TJP1: variants seen among roughly 807,000 people sequenced by gnomAD.
TJP1 encodes the protein tight junction protein ZO-1.
Under a neutral mutation model 194.2 loss-of-function variants are expected in TJP1, and 43 were observed. The ratio of observed to expected loss-of-function variants is 0.22; its 90% CI spans 0.17 to 0.29. The LOEUF is 0.29. TJP1 is among the 10% of genes least tolerant of loss of function. TJP1 has a pLI of 1.00. For missense variants in TJP1, 1,971 were observed against 2,185.7 expected (o/e 0.90, Z 1.96); for synonymous variants, 801 against 779.0 (o/e 1.03, Z -0.47).
At chr15:29,868,955 C>T (rs2052398778) in intron 2 of TJP1, among the ~76,000 whole-genome samples, 1 of 151,910 alleles carries the variant, frequency 6.6e-6, no homozygotes, top group Non-Finnish European at 1.5e-5. Flanking sequence ...TGGATCACAA[C>T]AACAAATTAA....
rs562365604 is a variant in TJP1, at chr15:29,856,519, G to A, written c.307-55817C>T. On this transcript the variant is annotated intron_variant, in intron 2 of 28. Transcript: ENST00000356107. The stretch of plus-strand genomic sequence containing the variant: ...GTGATGAAAGTCTTCTGGAATTATA[G>A]TTATATTTTTACCTTGTATCATGTC... 7.9e-5 allele frequency among the ~76,000 whole-genome samples: 12 copies of A among 152,226 alleles called. No individual in the cohort carries two copies. The South Asian group carries it at 2.3e-3, about 29-fold the overall frequency.
chr15:29,861,934 G>C (rs1326859618), intron 2 of TJP1, among the ~76,000 whole-genome samples: 2 of 152,094 alleles, frequency 1.3e-5, no homozygotes, highest in Non-Finnish European at 2.9e-5. Flanking sequence ...AGGTCATGAA[G>C]ACTTACTCCT....
chr15:29,727,870 T>C, intron 16 of TJP1, 67 bp downstream of exon 16: 1 of 1,368,254 alleles, frequency 7.3e-7, no homozygotes, highest in African/African-American at 1.4e-5. Context: ...ACTTTCAAAT[T>C]AACCAAATCC....
At position 29,726,794 on chromosome 15, in the gene TJP1, G is replaced by T; in HGVS notation, c.2298C>A (p.His766Gln). Reference sequence around the variant, plus strand: ...TAACATACTCACTTGTAAAAAGATGGTGATTATTTTTACGAAGTTTATGAG... The same window carrying T: ...TAACATACTCACTTGTAAAAAGATGTTGATTATTTTTACGAAGTTTATGAG... The part of the protein sequence containing the change: ...ERSHKLRKNN[H>Q]HLFTTTINLN... The change falls in exon 17 of 28, where the codon CAC becomes CAA. Residue 766 changes from histidine (H) to glutamine (Q), a missense_variant. By Grantham distance (24) the His-to-Gln change is conservative. This residue lies in a region of TJP1 where 402 missense variants were observed against 484.2 expected (regional missense o/e 0.83). Transcript: ENST00000614355. 6.2e-7 allele frequency: 1 copy of T among 1,613,896 alleles called. No homozygotes were observed. The highest frequency in any genetic ancestry group is 1.7e-5 in the Admixed American group (1 of 60,000).
chr15:29,704,129 A>G, intron 27 of TJP1, 33 bp downstream of exon 27: 1 of 1,542,872 alleles, frequency 6.5e-7, no homozygotes, highest in Non-Finnish European at 8.8e-7. Flanking sequence ...ACAGTCCCCA[A>G]AGCTCCCAAA....
chr15:29,835,263 TGTGG>T (rs1047511102), intron 2 of TJP1, among the ~76,000 whole-genome samples: 9 of 152,216 alleles, frequency 5.9e-5, no homozygotes, highest in Non-Finnish European at 1.0e-4. Context: ...TAATTTTAAA[TGTGG>T]GTAATTTTAA....
intron 2 of TJP1, among the ~76,000 whole-genome samples, chr15:29,798,949 G>C (rs1022296005): frequency 2.6e-5 from 4 of 152,180 alleles, no homozygotes; most frequent in African/African-American, 9.7e-5. Flanking sequence ...TTCTAGAAAA[G>C]GCAAGAATGT....
At chr15:29,889,087 A>G (rs887851099) in intron 2 of TJP1, among the ~76,000 whole-genome samples, 2 of 152,204 alleles carry the variant, frequency 1.3e-5, no homozygotes, top group African/African-American at 4.8e-5. Flanking sequence ...GCAGGCCTCC[A>G]AGTAAATCAA....
chr15:29,877,211 T>C (rs567420662), intron 2 of TJP1, among the ~76,000 whole-genome samples: 1 of 152,360 alleles, frequency 6.6e-6, no homozygotes, highest in East Asian at 1.9e-4. Context: ...AAGATATAAA[T>C]AGAAGTATTT....
intron 15 of TJP1, chr15:29,730,566 C>A (rs1382546354): frequency 2.0e-6 from 1 of 494,810 alleles, no homozygotes; most frequent in Non-Finnish European, 3.9e-6. Context: ...CACTGCACTC[C>A]TGCCTGGGCA....
chr15:29,730,339 T>C (rs2043543675), intron 15 of TJP1, among the ~76,000 whole-genome samples: 1 of 151,968 alleles, frequency 6.6e-6, no homozygotes, highest in Non-Finnish European at 1.5e-5. Context: ...CCCAGCACTT[T>C]GGGAGGCCAA....
intron 18 of TJP1, among the ~76,000 whole-genome samples, chr15:29,722,736 C>T (rs952538522): frequency 5.9e-5 from 9 of 152,178 alleles, no homozygotes; most frequent in African/African-American, 2.2e-4. Flanking sequence ...CTGGAAAAGC[C>T]ACAGGCACAC....
intron 23 of TJP1, among the ~76,000 whole-genome samples, chr15:29,713,164 TG>T (rs375333054): frequency 8.8e-4 from 134 of 152,342 alleles, no homozygotes; most frequent in African/African-American, 3.1e-3. Context: ...TATTGAGACC[TG>T]GAAGTCTCAC....
chr15:29,922,137 G>A (rs1447206047), intron 2 of TJP1, among the ~76,000 whole-genome samples: 1 of 152,028 alleles, frequency 6.6e-6, no homozygotes, highest in East Asian at 1.9e-4. Context: ...GTGAGCCACC[G>A]CACCCGGACT....
intron 2 of TJP1, among the ~76,000 whole-genome samples, chr15:29,923,873 C>T (rs1250555989): frequency 6.6e-6 from 1 of 152,164 alleles, no homozygotes; most frequent in East Asian, 1.9e-4. Context: ...GTTTGCGTGA[C>T]CCCTGCCACC....
At chr15:29,791,335 G>T in intron 2 of TJP1, among the ~76,000 whole-genome samples, 1 of 147,822 alleles carries the variant, frequency 6.8e-6, no homozygotes, top group East Asian at 2.1e-4. Context: ...GCCTTTCTTT[G>T]GGATATATAC....
intron 11 of TJP1, among the ~76,000 whole-genome samples, chr15:29,736,022 T>C (rs1748099455): frequency 3.9e-5 from 6 of 151,918 alleles, no homozygotes; most frequent in Admixed American, 3.9e-4. Context: ...AAAGTATCAG[T>C]AAAGAGGCAG....
intron 2 of TJP1, among the ~76,000 whole-genome samples, chr15:29,878,347 G>A (rs2052789945): frequency 6.6e-6 from 1 of 152,198 alleles, no homozygotes; most frequent in African/African-American, 2.4e-5. Flanking sequence ...ACCGCGCCTG[G>A]CCAAGAATAG....
At chr15:29,844,490 G>A (rs1444629639) in intron 2 of TJP1, among the ~76,000 whole-genome samples, 1 of 152,194 alleles carries the variant, frequency 6.6e-6, no homozygotes, top group Admixed American at 6.5e-5. Flanking sequence ...TAGCAGCCTG[G>A]ACCAGACAGC....
Sources: gnomAD v4.1 joint callset for allele counts (sites outside exome capture counted in the v4.1 genomes callset) on GRCh38, gnomAD v4.1.1 for gene constraint, gnomAD v4.1.1 regional missense constraint, MANE v1.5 for transcripts, NCBI Gene and HGNC (gene_info 2026-07-23, HGNC 2026-07-21) for gene names.